SYNPR: variants seen among roughly 807,000 people sequenced by gnomAD.
The protein encoded by SYNPR is synaptoporin.
In SYNPR, 23 loss-of-function variants were observed where a neutral mutation model predicts 32.9. That is an observed-to-expected ratio of 0.70 (90% CI 0.50 to 0.99). The LOEUF is 0.99. Ranked by LOEUF, SYNPR falls within the 50% of genes least tolerant of loss-of-function variation. The probability of loss-of-function intolerance (pLI) is 0.00; values close to 1 mark genes in which losing one functional copy is unlikely to be tolerated. For missense variants in SYNPR, 318 were observed against 349.3 expected (o/e 0.91, Z 0.71); for synonymous variants, 146 against 135.9 (o/e 1.07, Z -0.52).
chr3:63,458,444 C>G (rs145349206), intron 2 of SYNPR, among the ~76,000 whole-genome samples: 3 of 152,080 alleles, frequency 2.0e-5, no homozygotes, highest in Admixed American at 2.0e-4. Context: ...TAAGGATTAG[C>G]TATGTATTGA....
upstream of SYNPR, among the ~76,000 whole-genome samples, chr3:63,223,468 C>G (rs142452842): frequency 1.9e-4 from 29 of 152,004 alleles, no homozygotes; most frequent in Non-Finnish European, 3.5e-4. Flanking sequence ...TGGTGGGAGA[C>G]GGGCTTGGTA....
chr3:63,451,307 C>A (rs867782053), intron 2 of SYNPR, among the ~76,000 whole-genome samples: 13 of 152,208 alleles, frequency 8.5e-5, no homozygotes, highest in South Asian at 8.3e-4. Context: ...GGAACCATTT[C>A]CCCAGTCTAC....
chr3:63,524,844 T>TGCGC (rs775532834), intron 3 of SYNPR, among the ~76,000 whole-genome samples: 14,562 of 148,566 alleles, frequency 0.098, 758 homozygotes, highest in Admixed American at 0.13. Flanking sequence ...TGTGTGTGTG[T>TGCGC]GTGTGTGCAT....
intron 3 of SYNPR, among the ~76,000 whole-genome samples, chr3:63,551,987 T>G (rs1323615967): frequency 2.0e-5 from 3 of 151,986 alleles, no homozygotes; most frequent in African/African-American, 7.3e-5. Flanking sequence ...AACCTCTGCC[T>G]CCCGGGTTCA....
Position 63,559,795 on chromosome 3 carries a change from C to A in SYNPR, c.408+3054C>A, listed in dbSNP as rs1396083823. On this transcript the variant is annotated intron_variant, in intron 4 of 5. Coordinates refer to ENST00000478300, the MANE Select transcript of SYNPR (RefSeq NM_001130003.2). Reference sequence around the variant, plus strand: ...GTCACCAAACTTGGGCTTATCCCCACCATGATGTACAGATGGACATACCTA... The same window carrying A: ...GTCACCAAACTTGGGCTTATCCCCAACATGATGTACAGATGGACATACCTA... Among the ~76,000 whole-genome samples, 3 of 151,630 alleles carry A rather than the reference C, an allele frequency of 2.0e-5. No individual in the cohort carries two copies. In the East Asian group the frequency reaches 5.8e-4, roughly 29 times the overall value.
intron 2 of SYNPR, among the ~76,000 whole-genome samples, chr3:63,410,010 C>G (rs1280781683): frequency 6.7e-6 from 1 of 150,014 alleles, no homozygotes; most frequent in Non-Finnish European, 1.5e-5. Context: ...GGAGCAGAAC[C>G]CCATCCATTC....
At chr3:63,439,452 G>C (rs1700132523) in intron 2 of SYNPR, among the ~76,000 whole-genome samples, 1 of 152,192 alleles carries the variant, frequency 6.6e-6, no homozygotes, top group Admixed American at 6.5e-5. Flanking sequence ...GAGAGTGGTA[G>C]CCGACTGTCT....
chr3:63,266,369 T>C (rs1177967525), intron 2 of SYNPR, among the ~76,000 whole-genome samples: 1 of 152,064 alleles, frequency 6.6e-6, no homozygotes. Context: ...TTATGGTGCC[T>C]AGTATCTTGT....
At chr3:63,614,682 A>T (rs914684847) in intron 5 of SYNPR, among the ~76,000 whole-genome samples, 4 of 152,202 alleles carry the variant, frequency 2.6e-5, no homozygotes, top group African/African-American at 7.2e-5. Flanking sequence ...CACTTTCTTT[A>T]TATGATTACA....
rs62251329 is a variant in SYNPR, at chr3:63,269,455, G to A, written n.287+2006G>A. 4.0e-3 allele frequency among the ~76,000 whole-genome samples: 609 copies of A among 151,780 alleles called. 1 individual carries two copies. Among genetic ancestry groups the A allele is most frequent in the Non-Finnish European group, 6.3e-3 (431 of 67,954 alleles). ...AGTGAGCCACTGCACTCTACCCTGG[G>A]CAACAGAGTGAGACTCCATCTCAAA... is the stretch of plus-strand genomic sequence containing the variant. On this transcript the variant is annotated intron_variant and non_coding_transcript_variant, in intron 3 of 4. Coordinates refer to the SYNPR transcript ENST00000478456.
chr3:63,424,746 G>C (rs935430326), intron 2 of SYNPR, among the ~76,000 whole-genome samples: 1 of 152,050 alleles, frequency 6.6e-6, no homozygotes, highest in Non-Finnish European at 1.5e-5. Flanking sequence ...TGGAGGGAGG[G>C]GAGCTATTAG....
chr3:63,556,209 G>A (rs968879581), intron 3 of SYNPR, among the ~76,000 whole-genome samples: 8 of 152,118 alleles, frequency 5.3e-5, no homozygotes, highest in South Asian at 2.1e-4. Context: ...AAGGCCTGGC[G>A]AGCCCTGTTA....
intron 2 of SYNPR, among the ~76,000 whole-genome samples, chr3:63,340,996 T>C (rs2087362043): frequency 6.6e-6 from 1 of 152,164 alleles, no homozygotes; most frequent in Non-Finnish European, 1.5e-5. Flanking sequence ...TACAGAATAG[T>C]TTAATCCCCC....
chr3:63,331,848 G>A (rs1303625527), intron 2 of SYNPR, among the ~76,000 whole-genome samples: 1 of 152,198 alleles, frequency 6.6e-6, no homozygotes, highest in Non-Finnish European at 1.5e-5. Context: ...TATCTACTGA[G>A]TTTTAATGTG....
chr3:63,500,821 G>T (rs1701463609), intron 3 of SYNPR, among the ~76,000 whole-genome samples: 1 of 152,034 alleles, frequency 6.6e-6, no homozygotes, highest in Non-Finnish European at 1.5e-5. Context: ...AGTCCCCAGA[G>T]AACTCATTCA....
At chr3:63,265,678 A>T (rs2086480091) in intron 2 of SYNPR, among the ~76,000 whole-genome samples, 1 of 152,204 alleles carries the variant, frequency 6.6e-6, no homozygotes. Flanking sequence ...ATTTTCTAGT[A>T]ATAAAAATAT....
chr3:63,288,505 T>A (rs1162499646), intron 2 of SYNPR, among the ~76,000 whole-genome samples: 1 of 152,192 alleles, frequency 6.6e-6, no homozygotes, highest in Non-Finnish European at 1.5e-5. Context: ...CTGATAATAT[T>A]ATCCAAAGAG....
At chr3:63,523,444 C>T (rs1254799561) in intron 3 of SYNPR, among the ~76,000 whole-genome samples, 1 of 152,154 alleles carries the variant, frequency 6.6e-6, no homozygotes, top group Non-Finnish European at 1.5e-5. Flanking sequence ...GTCACAGCCC[C>T]ATCAGCTCTC....
At chr3:63,484,078 C>G (rs1701097971) in intron 3 of SYNPR, among the ~76,000 whole-genome samples, 1 of 152,104 alleles carries the variant, frequency 6.6e-6, no homozygotes, top group Admixed American at 6.5e-5. Flanking sequence ...GTTAAAAATT[C>G]TAGATAACTC....
Sources: allele counts gnomAD v4.1 joint callset (sites outside exome capture counted in the v4.1 genomes callset), GRCh38; gene constraint gnomAD v4.1.1; transcripts MANE v1.5; gene names NCBI Gene and HGNC (gene_info 2026-07-23, HGNC 2026-07-21).